Variants in PPP2CB observed in about 807,000 individuals in gnomAD.
PPP2CB encodes serine/threonine-protein phosphatase 2A catalytic subunit beta isoform.
In PPP2CB, 18 loss-of-function variants were observed where a neutral mutation model predicts 39.1. The observed-to-expected ratio is 0.46, with a 90% CI of 0.32 to 0.68. The LOEUF (loss-of-function observed/expected upper bound fraction) is 0.68. Ranked by LOEUF, PPP2CB falls within the 30% of genes least tolerant of loss-of-function variation. The probability of loss-of-function intolerance (pLI) is 0.04; values close to 1 mark genes in which losing one functional copy is unlikely to be tolerated. For synonymous variants in PPP2CB, 129 were observed against 133.8 expected, an observed-to-expected ratio of 0.96 and a Z score of 0.25; for missense variants, 226 against 396.9, an observed-to-expected ratio of 0.57 and a Z score of 3.66.
Position 30,799,636 on chromosome 8 carries a change from T to C in PPP2CB, c.222A>G (p.Lys74=), listed in dbSNP as rs1305384604. The C allele has an allele frequency of 6.2e-7, 1 of 1,613,936 alleles. No homozygotes were observed. The highest frequency in any genetic ancestry group is 1.3e-5 in the African/African-American group (1 of 74,920). The change falls in exon 2 of 7, where the codon AAA becomes AAG. Residue 74 remains lysine (K), a synonymous_variant. Coordinates refer to ENST00000221138, the MANE Select transcript of PPP2CB (RefSeq NM_001009552.2). ...TGAATAAGTAGTTTGTATCCGGTGA[T>C]TTTCCACCAATTCTAAAGAGTTCCA... The part of the protein sequence containing the change: ...DLMELFRIGG[K]SPDTNYLFMG...
intron 5 of PPP2CB, among the ~76,000 whole-genome samples, chr8:30,791,973 TA>T (rs1806442513): frequency 1.1e-5 from 1 of 88,042 alleles, no homozygotes; most frequent in African/African-American, 9.2e-5. Context: ...TACGTGTGTA[TA>T]TGTGTATATA....
At chr8:30,812,173 C>T (rs1806845106) in intron 1 of PPP2CB, 147 bp downstream of exon 1, 3 of 415,796 alleles carry the variant, frequency 7.2e-6, no homozygotes, top group African/African-American at 2.1e-5. Context: ...GGGCCGGCCG[C>T]CTAGGTGGAC....
chr8:30,811,558 C>T (rs899896938), intron 1 of PPP2CB, among the ~76,000 whole-genome samples: 1 of 144,902 alleles, frequency 6.9e-6, no homozygotes, highest in African/African-American at 2.6e-5. Flanking sequence ...GTGGCGCGAT[C>T]TCGACTCACT....
At chr8:30,807,901 A>G (rs1473630670) in intron 1 of PPP2CB, among the ~76,000 whole-genome samples, 1 of 152,264 alleles carries the variant, frequency 6.6e-6, no homozygotes, top group African/African-American at 2.4e-5. Context: ...TAGTCTTCTC[A>G]GAAGACATGC....
chr8:30,798,672 T>C (rs1806565244), intron 2 of PPP2CB, among the ~76,000 whole-genome samples: 1 of 152,216 alleles, frequency 6.6e-6, no homozygotes, highest in African/African-American at 2.4e-5. Flanking sequence ...GACCATGTAA[T>C]ATATGGCTTC....
chr8:30,791,870 A>G (rs1563575262), intron 5 of PPP2CB, among the ~76,000 whole-genome samples: 1 of 150,254 alleles, frequency 6.7e-6, no homozygotes, highest in African/African-American at 2.4e-5. Flanking sequence ...ATATGTATAT[A>G]TGTGTGTGCA....
chr8:30,812,067 C>T (rs1806840876), intron 1 of PPP2CB, among the ~76,000 whole-genome samples: 1 of 152,044 alleles, frequency 6.6e-6, no homozygotes, highest in African/African-American at 2.4e-5. Context: ...GCACCCGAGC[C>T]CCCCACGCCC....
At chr8:30,792,454 G>GT (rs1217892659) in intron 5 of PPP2CB, among the ~76,000 whole-genome samples, 5 of 147,844 alleles carry the variant, frequency 3.4e-5, no homozygotes, top group Non-Finnish European at 7.5e-5. Flanking sequence ...CTTTTTCCTC[G>GT]TTTTTTTGAG....
At position 30,812,467 on chromosome 8, in the gene PPP2CB, G is replaced by T; in HGVS notation, c.-46C>A. ...GATCCCGAGCCCCAGCCCGGCCGCC[G>T]CCCTCCCCCCTCCCCACCCGCCCCC... On this transcript the variant is annotated 5_prime_UTR_variant, in exon 1 of 7. Coordinates refer to ENST00000221138, the MANE Select transcript of PPP2CB (RefSeq NM_001009552.2). 7.4e-7 allele frequency: 1 copy of T among 1,354,966 alleles called. No homozygotes were observed. Among genetic ancestry groups the T allele is most frequent in the South Asian group, 1.4e-5 (1 of 70,310 alleles). 83.9% of individuals were successfully genotyped at this position (1,354,966 alleles called of 1,614,324 possible). A position where few individuals can be genotyped will look rare whatever the true frequency, so the allele number is the denominator to read the frequency against.
chr8:30,806,379 A>C (rs1806726521), intron 1 of PPP2CB, among the ~76,000 whole-genome samples: 1 of 152,172 alleles, frequency 6.6e-6, no homozygotes, highest in Non-Finnish European at 1.5e-5. Flanking sequence ...AATGAAATTT[A>C]GAGTTGAAAA....
At chr8:30,793,724 T>G in intron 5 of PPP2CB, 193 bp downstream of exon 5, 1 of 515,580 alleles carries the variant, frequency 1.9e-6, no homozygotes, top group South Asian at 6.6e-5. Flanking sequence ...TTTCTAAGTC[T>G]CAATTTCAAA....
chr8:30,788,510 A>C (rs1806380198), intron 6 of PPP2CB, among the ~76,000 whole-genome samples: 1 of 152,190 alleles, frequency 6.6e-6, no homozygotes, highest in Admixed American at 6.5e-5. Flanking sequence ...TTGGCTTCCC[A>C]AAGTGTTGGG....
At position 30,807,286 on chromosome 8, in the gene PPP2CB, C is replaced by G. The variant is rs148179987; in HGVS notation, c.102+5034G>C. Among the ~76,000 whole-genome samples, 231 of 152,280 alleles carry G rather than the reference C, an allele frequency of 1.5e-3. 1 individual carries two copies. The highest frequency in any genetic ancestry group is 5.4e-3 in the African/African-American group (224 of 41,562). On this transcript the variant is annotated intron_variant, in intron 1 of 6. Transcript: ENST00000221138. The stretch of plus-strand genomic sequence containing the variant: ...AAGACCACTATTTTTATTTTTTAAG[C>G]TGTAATCAATCACAGAAAGTAATCT...
chr8:30,790,715 T>C (rs1806415311), intron 6 of PPP2CB, among the ~76,000 whole-genome samples: 1 of 152,196 alleles, frequency 6.6e-6, no homozygotes, highest in Admixed American at 6.5e-5. Context: ...CTTGACTGTG[T>C]CTACCAGGAG....
At chr8:30,797,222 C>T (rs986578437) in intron 3 of PPP2CB, among the ~76,000 whole-genome samples, 8 of 152,134 alleles carry the variant, frequency 5.3e-5, no homozygotes, top group African/African-American at 7.2e-5. Flanking sequence ...TCATGGTAAC[C>T]AGCAGACACT....
intron 1 of PPP2CB, among the ~76,000 whole-genome samples, chr8:30,811,929 C>T (rs1307150317): frequency 6.6e-6 from 1 of 152,188 alleles, no homozygotes; most frequent in Non-Finnish European, 1.5e-5. Context: ...TGAAAATGGT[C>T]CTTTTCGGAC....
chr8:30,812,812 TTC>T lies in PPP2CB; in HGVS notation c.-393_-392del, dbSNP rs1356087675. 6.5e-6 allele frequency: 3 copies of T among 459,070 alleles called. No individual in the cohort carries two copies. Among genetic ancestry groups the T allele is most frequent in the South Asian group, 3.1e-5 (2 of 64,584 alleles). 28.4% of individuals were successfully genotyped at this position (459,070 alleles called of 1,614,324 possible). On this transcript the variant is annotated 5_prime_UTR_variant, in exon 1 of 7. Transcript: ENST00000221138. ...GGCCTCTCCCGACTTGTCTTTCCCC[TTC>T]TCTCGCTCTTTCTCTCCCCTCCCTC...
At chr8:30,807,705 A>T (rs1391558582) in intron 1 of PPP2CB, among the ~76,000 whole-genome samples, 1 of 152,210 alleles carries the variant, frequency 6.6e-6, no homozygotes, top group Non-Finnish European at 1.5e-5. Flanking sequence ...AGTTAAATAT[A>T]GTTCTAGTCA....
chr8:30,806,683 AC>A (rs1387844137), intron 1 of PPP2CB, among the ~76,000 whole-genome samples: 1 of 152,208 alleles, frequency 6.6e-6, no homozygotes, highest in African/African-American at 2.4e-5. Flanking sequence ...ATTTCCTTTT[AC>A]CAAGGAAGGG....
Sources: gnomAD v4.1 joint callset for allele counts (sites outside exome capture counted in the v4.1 genomes callset) on GRCh38, gnomAD v4.1.1 for gene constraint, MANE v1.5 for transcripts, NCBI Gene and HGNC (gene_info 2026-07-23, HGNC 2026-07-21) for gene names.